The following ASTN2 variants were observed in gnomAD, a reference collection of about 807,000 sequenced individuals.
ASTN2 encodes astrotactin 2.
Under a neutral mutation model 139.8 loss-of-function variants are expected in ASTN2, and 54 were observed. The observed-to-expected ratio is 0.39, with a 90% CI of 0.31 to 0.48. The LOEUF (loss-of-function observed/expected upper bound fraction) is 0.48. Ranked by LOEUF, ASTN2 falls within the 20% of genes least tolerant of loss-of-function variation. The pLI is 0.95. For synonymous variants in ASTN2, 756 were observed against 719.5 expected (o/e 1.05, Z -0.81); for missense variants, 1,565 against 1,725.1 (o/e 0.91, Z 1.64).
chr9:116,609,123 G>A (rs889686452), intron 19 of ASTN2, among the ~76,000 whole-genome samples: 1 of 151,848 alleles, frequency 6.6e-6, no homozygotes, highest in Non-Finnish European at 1.5e-5. Flanking sequence ...TATACATGTT[G>A]TTGGAGGAAA....
At chr9:116,756,472 T>C (rs565687334) in intron 13 of ASTN2, among the ~76,000 whole-genome samples, 2 of 152,316 alleles carry the variant, frequency 1.3e-5, no homozygotes, top group East Asian at 3.9e-4. Flanking sequence ...ATAAGTAATA[T>C]TAATGATTTC....
At position 117,414,104 on chromosome 9, in the gene ASTN2, G is replaced by GT. The variant is rs1831252855; in HGVS notation, c.442+392dup. ...AGGGGGCGGTGACGGCGGGTGGCCA[G>GT]TGACGGTACCCGGAGAAGTGGGAGG... On this transcript the variant is annotated intron_variant, in intron 1 of 22. Transcript: ENST00000313400. This position sits in a 1 kb window ranked among gnomAD's most constrained non-coding sequence, Gnocchi z 4.2. Among the ~76,000 whole-genome samples, 2 of 152,036 alleles carry GT rather than the reference G, an allele frequency of 1.3e-5. No individual in the cohort carries two copies. The highest frequency in any genetic ancestry group is 4.8e-5 in the African/African-American group (2 of 41,414).
rs577888720 is a variant in ASTN2, at chr9:116,976,580, A to T, written c.1676+121T>A. 1.9e-5 allele frequency: 15 copies of T among 801,902 alleles called. No individual in the cohort carries two copies. The Admixed American group carries it at 3.8e-4, about 20-fold the overall frequency. The allele number at this position is 801,902 out of a possible 1,614,324, so 49.7% of individuals were successfully genotyped here. A position where few individuals can be genotyped will look rare whatever the true frequency, so the allele number is the denominator to read the frequency against. On this transcript the variant is annotated intron_variant, in intron 8 of 22. Transcript: ENST00000313400. Reference sequence around the variant, plus strand: ...TTCACTTCCCATTGGGTTTTGCAGGAACACTACTGTTGCAGAGAAAGAGTC... The same window carrying T: ...TTCACTTCCCATTGGGTTTTGCAGGTACACTACTGTTGCAGAGAAAGAGTC...
At chr9:116,710,081 G>A (rs1828106476) in intron 16 of ASTN2, among the ~76,000 whole-genome samples, 1 of 152,026 alleles carries the variant, frequency 6.6e-6, no homozygotes, top group African/African-American at 2.4e-5. Context: ...AAACTGATAG[G>A]GAAGCCTAGG....
At chr9:117,057,095 A>G (rs1341785837) in intron 5 of ASTN2, among the ~76,000 whole-genome samples, 1 of 152,314 alleles carries the variant, frequency 6.6e-6, no homozygotes, top group East Asian at 1.9e-4. Context: ...TTATGCATGT[A>G]AAGCCTTTTA....
At chr9:117,340,143 G>T (rs1829019052) in intron 1 of ASTN2, among the ~76,000 whole-genome samples, 1 of 151,584 alleles carries the variant, frequency 6.6e-6, no homozygotes, top group Admixed American at 6.6e-5. Flanking sequence ...TAGCCAACCT[G>T]GTGAAACACT....
At chr9:116,625,990 G>A (rs1341066029) in intron 17 of ASTN2, among the ~76,000 whole-genome samples, 2 of 151,338 alleles carry the variant, frequency 1.3e-5, no homozygotes, top group Admixed American at 1.3e-4. Context: ...TGTGTTTTTT[G>A]TTTTTTTGAG....
At chr9:116,799,489 C>T (rs1830784175) in intron 13 of ASTN2, among the ~76,000 whole-genome samples, 1 of 152,158 alleles carries the variant, frequency 6.6e-6, no homozygotes, top group South Asian at 2.1e-4. Context: ...TGCCTACTGC[C>T]AGCAGACCCA....
intron 11 of ASTN2, among the ~76,000 whole-genome samples, chr9:116,839,878 ATTATTTT>A (rs1832148459): frequency 9.5e-6 from 1 of 104,774 alleles, no homozygotes; most frequent in African/African-American, 5.0e-5. Context: ...TATTATTATT[ATTATTTT>A]TTTTTTTTTA....
chr9:116,501,469 G>A (rs886458814), intron 19 of ASTN2, among the ~76,000 whole-genome samples: 4 of 152,116 alleles, frequency 2.6e-5, no homozygotes, highest in Non-Finnish European at 5.9e-5. Context: ...ATAGTCCTTT[G>A]GGTATATACC....
At chr9:116,650,996 A>G (rs1588142306) in intron 17 of ASTN2, among the ~76,000 whole-genome samples, 1 of 150,776 alleles carries the variant, frequency 6.6e-6, no homozygotes, top group Non-Finnish European at 1.5e-5. Flanking sequence ...GCTCACTGCA[A>G]CCTCCACCTC....
At chr9:117,378,181 T>C (rs1372712608) in intron 1 of ASTN2, among the ~76,000 whole-genome samples, 1 of 152,178 alleles carries the variant, frequency 6.6e-6, no homozygotes, top group Non-Finnish European at 1.5e-5. Context: ...GTTCACATCA[T>C]CATTTCTCAG....
At chr9:116,746,733 T>C (rs1173701116) in intron 13 of ASTN2, among the ~76,000 whole-genome samples, 2 of 152,180 alleles carry the variant, frequency 1.3e-5, no homozygotes, top group East Asian at 3.8e-4. Context: ...ATGTTCCTTC[T>C]TTGTGTTTGT....
intron 10 of ASTN2, among the ~76,000 whole-genome samples, chr9:116,864,469 T>G (rs1832969020): frequency 6.6e-6 from 1 of 152,212 alleles, no homozygotes; most frequent in Non-Finnish European, 1.5e-5. Context: ...AAGACTAGAC[T>G]TGATACCATA....
At chr9:117,231,632 T>C (rs1230898334) in intron 2 of ASTN2, among the ~76,000 whole-genome samples, 1 of 152,006 alleles carries the variant, frequency 6.6e-6, no homozygotes, top group Non-Finnish European at 1.5e-5. Flanking sequence ...ACTGGTGAAG[T>C]CCAAGAAGCC....
chr9:117,343,608 A>T (rs1307655358), intron 1 of ASTN2, among the ~76,000 whole-genome samples: 3 of 152,160 alleles, frequency 2.0e-5, no homozygotes, highest in Non-Finnish European at 4.4e-5. Flanking sequence ...TTTCAACCCC[A>T]TGTACATATG....
chr9:117,207,359 G>T (rs1831964597), intron 3 of ASTN2, among the ~76,000 whole-genome samples: 1 of 152,060 alleles, frequency 6.6e-6, no homozygotes, highest in African/African-American at 2.4e-5. Flanking sequence ...ACCCACCCAT[G>T]GTAGCCATGC....
At chr9:116,817,576 A>G (rs184219535) in intron 12 of ASTN2, among the ~76,000 whole-genome samples, 73 of 152,284 alleles carry the variant, frequency 4.8e-4, no homozygotes, top group African/African-American at 1.7e-3. Context: ...TGGAAATGAA[A>G]CTGGAAAAGT....
chr9:116,974,789 G>A (rs1052517314), intron 10 of ASTN2, among the ~76,000 whole-genome samples: 6 of 152,068 alleles, frequency 3.9e-5, no homozygotes, highest in South Asian at 2.1e-4. Context: ...GATTACAGGC[G>A]TGAGCCACCA....
Sources: allele counts gnomAD v4.1 joint callset (sites outside exome capture counted in the v4.1 genomes callset), GRCh38; gene constraint gnomAD v4.1.1; non-coding constraint Gnocchi (gnomAD v3.1); transcripts MANE v1.5; gene names NCBI Gene and HGNC (gene_info 2026-07-23, HGNC 2026-07-21).